Variants in ERCC8 observed in about 807,000 individuals in gnomAD.
ERCC8 encodes ERCC excision repair 8, CSA ubiquitin ligase complex subunit.
A neutral mutation model predicts 54.9 loss-of-function variants in ERCC8; 52 were observed. The ratio of observed to expected loss-of-function variants is 0.95; its 90% CI spans 0.76 to 1.19. The LOEUF (loss-of-function observed/expected upper bound fraction) is 1.19. Ranked by LOEUF, ERCC8 falls within the 50% of genes most tolerant of loss-of-function variation. The pLI, the probability that ERCC8 is intolerant of heterozygous loss-of-function variation, is 0.00. For synonymous variants in ERCC8, 146 were observed against 157.2 expected (o/e 0.93, Z 0.53); for missense variants, 514 against 466.1 (o/e 1.10, Z -0.95).
chr5:60,923,117 A>T (rs1291188568), intron 2 of ERCC8, among the ~76,000 whole-genome samples: 1 of 152,090 alleles, frequency 6.6e-6, no homozygotes, highest in Non-Finnish European at 1.5e-5. Context: ...TTTGGGAGTA[A>T]AAGAGGGTGC....
intron 2 of ERCC8, among the ~76,000 whole-genome samples, chr5:60,926,225 T>C (rs547306505): frequency 6.6e-6 from 1 of 152,330 alleles, no homozygotes; most frequent in South Asian, 2.1e-4. Flanking sequence ...CAAAATACAA[T>C]TAAATGTAGA....
intron 11 of ERCC8, among the ~76,000 whole-genome samples, chr5:60,880,551 G>C (rs912461361): frequency 6.6e-6 from 1 of 152,110 alleles, no homozygotes; most frequent in African/African-American, 2.4e-5. Context: ...TTTCTTGGAG[G>C]CTTTGTTCAT....
chr5:60,878,929 C>T (rs1748110327), intron 11 of ERCC8, among the ~76,000 whole-genome samples: 1 of 152,168 alleles, frequency 6.6e-6, no homozygotes, highest in Admixed American at 6.5e-5. Context: ...TGTGTTTGCT[C>T]TTGCTTCTCT....
chr5:60,880,375 T>A (rs1489497216), intron 11 of ERCC8, among the ~76,000 whole-genome samples: 1 of 152,216 alleles, frequency 6.6e-6, no homozygotes, highest in East Asian at 1.9e-4. Context: ...AGTATCTTTG[T>A]GGCATTCTCT....
At chr5:60,939,384 G>T (rs1380978144) in intron 1 of ERCC8, among the ~76,000 whole-genome samples, 1 of 152,034 alleles carries the variant, frequency 6.6e-6, no homozygotes, top group Non-Finnish European at 1.5e-5. Flanking sequence ...TTTTTTTCCT[G>T]AAGGGAAATT....
In ERCC8 at chr5:60,874,110, A is replaced by C. The variant is rs748843229; in HGVS notation, c.*505T>G. Reference sequence around the variant, plus strand: ...TTTAACATAAAGCATGGTTAATTAAATGAAACCACTGAAAAATGTGAATAC... The same window carrying C: ...TTTAACATAAAGCATGGTTAATTAACTGAAACCACTGAAAAATGTGAATAC... On this transcript the variant is annotated 3_prime_UTR_variant, in exon 12 of 12. Coordinates refer to ENST00000676185, the MANE Select transcript of ERCC8 (RefSeq NM_000082.4). The C allele has an allele frequency of 6.5e-6, 1 of 152,776 alleles. No individual in the cohort carries two copies. The highest frequency in any genetic ancestry group is 2.4e-5 in the African/African-American group (1 of 41,468). The allele number at this position is 152,776 out of a possible 1,614,324, so 9.5% of individuals were successfully genotyped here. A position where few individuals can be genotyped will look rare whatever the true frequency, so the allele number is the denominator to read the frequency against.
At chr5:60,932,616 GT>G (rs1289352820) in intron 1 of ERCC8, among the ~76,000 whole-genome samples, 5 of 152,200 alleles carry the variant, frequency 3.3e-5, no homozygotes, top group African/African-American at 1.2e-4. Context: ...CCTGTGCCTG[GT>G]TTCCTCCACA....
intron 11 of ERCC8, among the ~76,000 whole-genome samples, chr5:60,886,064 A>G (rs1554072403): frequency 6.9e-6 from 1 of 145,066 alleles, no homozygotes; most frequent in East Asian, 2.0e-4. Context: ...GTATATATAT[A>G]TGTATATATA....
intron 9 of ERCC8, among the ~76,000 whole-genome samples, chr5:60,896,699 T>C (rs1434229429): frequency 6.6e-6 from 1 of 152,148 alleles, no homozygotes; most frequent in Non-Finnish European, 1.5e-5. Context: ...TTTACTTTGA[T>C]CAAGTCCACT....
intron 2 of ERCC8, among the ~76,000 whole-genome samples, chr5:60,922,368 T>C (rs1446218489): frequency 1.3e-5 from 2 of 152,042 alleles, no homozygotes; most frequent in African/African-American, 2.4e-5. Context: ...ATTCATTCTG[T>C]GATCATTTCA....
At chr5:60,927,110 T>C (rs1243123400) in intron 2 of ERCC8, among the ~76,000 whole-genome samples, 1 of 152,272 alleles carries the variant, frequency 6.6e-6, no homozygotes, top group Middle Eastern at 3.4e-3. Context: ...CTTCACAGAG[T>C]GATACGCAAA....
chr5:60,903,096 ACTTTT>A (rs1282230680), intron 6 of ERCC8, among the ~76,000 whole-genome samples: 1 of 151,928 alleles, frequency 6.6e-6, no homozygotes, highest in African/African-American at 2.4e-5. Flanking sequence ...TATCTCATCA[ACTTTT>A]CTTAACATAT....
chr5:60,941,144 C>G (rs1036067769), intron 1 of ERCC8, among the ~76,000 whole-genome samples: 2 of 151,914 alleles, frequency 1.3e-5, no homozygotes, highest in Admixed American at 6.6e-5. Flanking sequence ...AGTGAGGCCT[C>G]ATCTCTAAAA....
At chr5:60,913,289 A>G (rs1749328696) in intron 4 of ERCC8, among the ~76,000 whole-genome samples, 1 of 152,046 alleles carries the variant, frequency 6.6e-6, no homozygotes, top group African/African-American at 2.4e-5. Context: ...TGGTCTATTC[A>G]GAGATTCAAC....
chr5:60,943,289 T>A (rs894919380), intron 1 of ERCC8, among the ~76,000 whole-genome samples: 16 of 152,304 alleles, frequency 1.1e-4, no homozygotes, highest in Admixed American at 7.8e-4. Context: ...AATATTTTTT[T>A]AATTTTTAAA....
At chr5:60,907,742 C>T (rs976129945) in intron 4 of ERCC8, among the ~76,000 whole-genome samples, 27 of 152,268 alleles carry the variant, frequency 1.8e-4, no homozygotes, top group Non-Finnish European at 3.5e-4. Flanking sequence ...CTTAACACCG[C>T]TTCCCTAAGA....
At chr5:60,928,816 G>A (rs758162984) in intron 2 of ERCC8, 48 bp downstream of exon 2, 1 of 1,039,128 alleles carries the variant, frequency 9.6e-7, no homozygotes, top group South Asian at 1.3e-5. Context: ...AGGTTTTACT[G>A]CATTTCACTT....
At chr5:60,918,536 GAGAA>G (rs1328140492) in intron 3 of ERCC8, 148 bp from the exon 4 acceptor site, 2 of 672,750 alleles carry the variant, frequency 3.0e-6, no homozygotes, top group Admixed American at 2.1e-5. Flanking sequence ...TGTAGAAGGC[GAGAA>G]AGAATGTCCA....
chr5:60,924,778 C>A (rs1276338592), intron 2 of ERCC8, among the ~76,000 whole-genome samples: 1 of 151,946 alleles, frequency 6.6e-6, no homozygotes, highest in Non-Finnish European at 1.5e-5. Context: ...TTTCTAGTTT[C>A]TATTTCTAAG....
Sources: allele counts gnomAD v4.1 joint callset (sites outside exome capture counted in the v4.1 genomes callset), GRCh38; gene constraint gnomAD v4.1.1; transcripts MANE v1.5; gene names NCBI Gene and HGNC (gene_info 2026-07-23, HGNC 2026-07-21).